DMXL1: variants seen among roughly 807,000 people sequenced by gnomAD.
DMXL1 encodes dmX-like protein 1.
In DMXL1, 99 loss-of-function variants were observed where a neutral mutation model predicts 319.2. That is an observed-to-expected ratio of 0.31 (90% CI 0.26 to 0.37). The LOEUF (loss-of-function observed/expected upper bound fraction) is 0.37. Ranked by LOEUF, DMXL1 falls within the 10% of genes least tolerant of loss-of-function variation. The pLI, the probability that DMXL1 is intolerant of heterozygous loss-of-function variation, is 1.00. For missense variants in DMXL1, 3,745 were observed against 3,595.6 expected (o/e 1.04, Z -1.06); for synonymous variants, 1,385 against 1,235.2 (o/e 1.12, Z -2.54).
chr5:119,146,932 C>G lies in DMXL1; in HGVS notation c.2665C>G (p.Leu889Val). 6.2e-7 allele frequency: 1 copy of G among 1,612,344 alleles called. No homozygotes were observed. The highest frequency in any genetic ancestry group is 1.1e-5 in the South Asian group (1 of 90,984). ...ACTGTTACACATGTGGAATTTACAT[C>G]TAAAGTCAATTCCTGTCTCATTAGG... Reference protein sequence around the residue: ...RSLLHMWNLHLKSIPVSLDEK... With the variant: ...RSLLHMWNLHVKSIPVSLDEK... The change falls in exon 16 of 44, where the codon CTA becomes GTA. Residue 889 changes from leucine (L) to valine (V), a missense_variant. This residue lies in a region of DMXL1 where 2,096 missense variants were observed against 1,985.4 expected (regional missense o/e 1.06). Coordinates refer to ENST00000539542, the MANE Select transcript of DMXL1 (RefSeq NM_001290321.3).
chr5:119,224,234 A>AT (rs1174175046), intron 37 of DMXL1, among the ~76,000 whole-genome samples: 2 of 152,028 alleles, frequency 1.3e-5, no homozygotes, highest in Admixed American at 6.6e-5. Flanking sequence ...TGTTCTATAA[A>AT]TTTTTCCTTT....
At chr5:119,075,464 C>T (rs553855449) in intron 1 of DMXL1, among the ~76,000 whole-genome samples, 26 of 151,892 alleles carry the variant, frequency 1.7e-4, no homozygotes, top group African/African-American at 6.0e-4. Flanking sequence ...GTCTTGAACT[C>T]CTCACCTCAA....
chr5:119,214,778 C>A (rs1001437700), intron 34 of DMXL1, among the ~76,000 whole-genome samples: 2 of 152,032 alleles, frequency 1.3e-5, no homozygotes, highest in Admixed American at 1.3e-4. Flanking sequence ...GAATGTATTC[C>A]TACATAGAGA....
Position 119,247,108 on chromosome 5 carries a change from A to C in DMXL1, c.9036A>C (p.Ala3012=), listed in dbSNP as rs370768281. The change falls in exon 44 of 44, where the codon GCA becomes GCC. Residue 3012 remains alanine, a synonymous_variant. Coordinates refer to ENST00000539542, the MANE Select transcript of DMXL1 (RefSeq NM_001290321.3). ...TGATGCAAATTGAGACAGGGCCTGC[A>C]AATCACATTTTCTCCTGTGGAGCTG... ...TGVMQIETGP[A]NHIFSCGADG... The C allele has an allele frequency of 4.1e-5, 66 of 1,614,198 alleles. No homozygotes were observed. The highest frequency in any genetic ancestry group is 5.4e-5 in the Non-Finnish European group (64 of 1,179,996).
At chr5:119,122,947 G>A (rs1420725860) in intron 9 of DMXL1, among the ~76,000 whole-genome samples, 1 of 152,158 alleles carries the variant, frequency 6.6e-6, no homozygotes, top group African/African-American at 2.4e-5. Flanking sequence ...GGAGGCCAAG[G>A]CAGGCAGCTG....
At chr5:119,074,596 C>T (rs974424085) in intron 1 of DMXL1, among the ~76,000 whole-genome samples, 6 of 152,318 alleles carry the variant, frequency 3.9e-5, no homozygotes, top group East Asian at 3.9e-4. Context: ...AAATTACCAA[C>T]GCAGATTAGT....
At position 119,240,468 on chromosome 5, in the gene DMXL1, C is replaced by T; in HGVS notation, c.8701C>T (p.His2901Tyr). The change falls in exon 42 of 44, where the codon CAT becomes TAT. Residue 2901 changes from histidine to tyrosine, a missense_variant. By Grantham distance (83) the His-to-Tyr change is moderately conservative (BLOSUM62 2). Transcript: ENST00000539542. ...TLVAPANSLV[H>Y]AFTCHDSGAT... ...TGTAGCACCTGCCAATAGTTTAGTC[C>T]ATGGTAAGTTTTCAAAGCATTTTAT... The T allele has an allele frequency of 6.2e-7, 1 of 1,600,032 alleles. No individual in the cohort carries two copies. The highest frequency in any genetic ancestry group is 8.5e-7 in the Non-Finnish European group (1 of 1,171,056).
chr5:119,087,420 T>G lies in DMXL1; in HGVS notation c.88-10559T>G, dbSNP rs946979831. ...AGAAAGTTTTAATTTCCTTCTTAAT[T>G]TTGTTATTGATCCATTGGTCATTCA... On this transcript the variant is annotated intron_variant, in intron 1 of 43. Coordinates refer to ENST00000539542, the MANE Select transcript of DMXL1 (RefSeq NM_001290321.3). Among the ~76,000 whole-genome samples, 86 of 152,318 alleles carry G rather than the reference T, an allele frequency of 5.6e-4. 1 individual carries two copies. Among genetic ancestry groups the G allele is most frequent in the African/African-American group, 1.8e-3 (74 of 41,582 alleles).
intron 2 of DMXL1, 150 bp downstream of exon 2, chr5:119,098,254 T>C: frequency 1.4e-6 from 1 of 703,310 alleles, no homozygotes; most frequent in Non-Finnish European, 2.3e-6. Context: ...CTAAGATGCA[T>C]TCTATAGAGT....
chr5:119,077,042 TG>T (rs1429162538), intron 1 of DMXL1, among the ~76,000 whole-genome samples: 1 of 152,228 alleles, frequency 6.6e-6, no homozygotes, highest in East Asian at 1.9e-4. Context: ...TAAAAAGAGA[TG>T]GGGGTCTCAC....
In DMXL1 at chr5:119,118,985, G is replaced by A. The variant is rs886155994; in HGVS notation, c.914G>A (p.Arg305Gln). 7 of 1,611,184 alleles carry A rather than the reference G, an allele frequency of 4.3e-6. No individual in the cohort carries two copies. Among genetic ancestry groups the A allele is most frequent in the African/African-American group, 1.3e-5 (1 of 74,784 alleles). The change falls in exon 8 of 44, where the codon CGA (arginine) becomes CAA (glutamine). Residue 305 changes from arginine to glutamine, a missense_variant. Physicochemically the swap from Arg to Gln is conservative, Grantham distance 43. This residue lies in a region of DMXL1 where 2,096 missense variants were observed against 1,985.4 expected (regional missense o/e 1.06). Coordinates refer to ENST00000539542, the MANE Select transcript of DMXL1 (RefSeq NM_001290321.3). ...NFKRNASSKE[R>Q]VQNALEVNLR... ...AAGAGAAATGCTTCCAGTAAAGAAC[G>A]AGTTCAAAATGCTTTAGAAGTGAGT... is the stretch of plus-strand genomic sequence containing the variant.
At chr5:119,098,175 G>A in intron 2 of DMXL1, 71 bp downstream of exon 2, 1 of 1,500,260 alleles carries the variant, frequency 6.7e-7, no homozygotes, top group Admixed American at 2.3e-5. Flanking sequence ...TCTGAAGTGT[G>A]TATTTCCTAT....
chr5:119,156,839 G>GT (rs1429117446), intron 19 of DMXL1, among the ~76,000 whole-genome samples: 1 of 151,668 alleles, frequency 6.6e-6, no homozygotes, highest in Admixed American at 6.6e-5. Context: ...AAAACTGTTT[G>GT]TTTTTTTCTC....
intron 32 of DMXL1, among the ~76,000 whole-genome samples, chr5:119,198,569 A>G (rs368688726): frequency 1.7e-4 from 26 of 152,354 alleles, no homozygotes; most frequent in East Asian, 7.7e-4. Context: ...CAAGCAGTCA[A>G]CAGATTCAGC....
chr5:119,230,831 G>A (rs539903577), intron 38 of DMXL1, among the ~76,000 whole-genome samples: 3 of 151,894 alleles, frequency 2.0e-5, no homozygotes, highest in South Asian at 2.1e-4. Flanking sequence ...ACAGTGAGCC[G>A]AGATCACACG....
At chr5:119,129,068 A>G (rs1764229987) in intron 9 of DMXL1, 143 bp from the exon 10 acceptor site, 5 of 621,958 alleles carry the variant, frequency 8.0e-6, no homozygotes, top group African/African-American at 1.9e-5. Context: ...AAAAAACAAA[A>G]TCTCAAAATA....
Position 119,133,647 on chromosome 5 carries a change from A to G in DMXL1, c.1723A>G (p.Met575Val), listed in dbSNP as rs760155404. Reference protein sequence around the residue: ...KPSGLTRSTSMLISSGHNKSS... With the variant: ...KPSGLTRSTSVLISSGHNKSS... ...TTCTGGCCTCACCCGTTCCACATCAATGCTTATTTCTTCTGGTCACAATAA... is the reference window on the plus strand; with the variant it reads ...TTCTGGCCTCACCCGTTCCACATCAGTGCTTATTTCTTCTGGTCACAATAA... The change falls in exon 12 of 44, where the codon ATG becomes GTG. Residue 575 changes from methionine (M) to valine (V), a missense_variant. Met to Val is a conservative substitution (Grantham distance 21, BLOSUM62 1). This residue lies in a region of DMXL1 where 2,096 missense variants were observed against 1,985.4 expected (regional missense o/e 1.06). Coordinates refer to ENST00000539542, the MANE Select transcript of DMXL1 (RefSeq NM_001290321.3). The G allele has an allele frequency of 2.9e-5, 47 of 1,614,070 alleles. No individual in the cohort carries two copies. The East Asian group carries it at 4.2e-4, about 15-fold the overall frequency.
At chr5:119,201,897 GT>G (rs1342921756) in intron 32 of DMXL1, among the ~76,000 whole-genome samples, 2 of 152,058 alleles carry the variant, frequency 1.3e-5, no homozygotes. Flanking sequence ...TTTTATTTCT[GT>G]GGGGTCAGTG....
chr5:119,218,426 ATTTATTTTATTTTATTTTATTTTAC>A (rs1304906306), intron 35 of DMXL1, among the ~76,000 whole-genome samples: 33 of 151,850 alleles, frequency 2.2e-4, no homozygotes, highest in Non-Finnish European at 4.0e-4. Context: ...TGCTATTTTT[ATTTATTTTATTTTATTTTATTTTAC>A]TTTATTTTAT....
Sources: gnomAD v4.1 joint callset for allele counts (sites outside exome capture counted in the v4.1 genomes callset) on GRCh38, gnomAD v4.1.1 for gene constraint, gnomAD v4.1.1 regional missense constraint, MANE v1.5 for transcripts, NCBI Gene and HGNC (gene_info 2026-07-23, HGNC 2026-07-21) for gene names.